The following XYLT1 variants were observed in gnomAD, a reference collection of about 807,000 sequenced individuals.
XYLT1 encodes beta-D-xylosyltransferase 1.
XYLT1 carries 36 observed loss-of-function variants against 91.3 expected under a neutral mutation model. The ratio of observed to expected loss-of-function variants is 0.39; its 90% confidence interval spans 0.30 to 0.52. The LOEUF is 0.52. Ranked by LOEUF, XYLT1 falls within the 20% of genes least tolerant of loss-of-function variation. The pLI is 0.68. For synonymous variants in XYLT1, 588 were observed against 532.0 expected, an observed-to-expected ratio of 1.11 and a Z score of -1.45; for missense variants, 1,242 against 1,284.5, an observed-to-expected ratio of 0.97 and a Z score of 0.51.
intron 2 of XYLT1, among the ~76,000 whole-genome samples, chr16:17,322,609 T>A (rs2034741130): frequency 6.6e-6 from 1 of 152,162 alleles, no homozygotes; most frequent in Non-Finnish European, 1.5e-5. Flanking sequence ...CCTGATGATG[T>A]ATATGTCTTC....
chr16:17,155,408 A>G (rs7186052), intron 6 of XYLT1, among the ~76,000 whole-genome samples: 13,681 of 152,186 alleles, frequency 0.09, 1,307 homozygotes, highest in African/African-American at 0.24. Context: ...AGTCAGCCCT[A>G]ATGTTTTAGT....
intron 1 of XYLT1, among the ~76,000 whole-genome samples, chr16:17,465,547 GTT>G (rs368241689): frequency 9.1e-5 from 6 of 65,662 alleles, no homozygotes; most frequent in South Asian, 5.7e-4. Context: ...AATTTTTTGT[GTT>G]TTTTTTTGGG....
intron 2 of XYLT1, among the ~76,000 whole-genome samples, chr16:17,321,604 C>T (rs180846855): frequency 4.3e-4 from 65 of 151,958 alleles, no homozygotes; most frequent in African/African-American, 1.5e-3. Flanking sequence ...GTGATCTCCC[C>T]GTGTCAGACT....
At chr16:17,240,830 C>T (rs2033334480) in intron 3 of XYLT1, among the ~76,000 whole-genome samples, 1 of 152,154 alleles carries the variant, frequency 6.6e-6, no homozygotes, top group Non-Finnish European at 1.5e-5. Context: ...CTATCATTAG[C>T]CCCATTTTAG....
rs111370817 is a variant in XYLT1, at chr16:17,156,863, G to T, written c.1370+1966C>A. Among the ~76,000 whole-genome samples the T allele has an allele frequency of 5.3e-3, 806 of 152,156 alleles. 8 individuals are homozygous for T. The highest frequency in any genetic ancestry group is 0.018 in the African/African-American group (749 of 41,490). Reference sequence around the variant, plus strand: ...GTAAAGAAGGTAGGCTGTGAGTAGGGGCAGGAACAATCCATAAATAGCAGA... The same window carrying T: ...GTAAAGAAGGTAGGCTGTGAGTAGGTGCAGGAACAATCCATAAATAGCAGA... On this transcript the variant is annotated intron_variant, in intron 6 of 11. Coordinates refer to ENST00000261381, the MANE Select transcript of XYLT1 (RefSeq NM_022166.4).
intron 3 of XYLT1, among the ~76,000 whole-genome samples, chr16:17,257,953 T>C (rs1187982198): frequency 6.6e-6 from 1 of 152,180 alleles, no homozygotes; most frequent in Non-Finnish European, 1.5e-5. Context: ...TACACATCAA[T>C]GGCACGATTG....
chr16:17,434,578 C>T (rs1169539620), intron 1 of XYLT1, among the ~76,000 whole-genome samples: 1 of 152,194 alleles, frequency 6.6e-6, no homozygotes, highest in Non-Finnish European at 1.5e-5. Flanking sequence ...ACAATGGGGC[C>T]AGGCACAATG....
At chr16:17,436,950 T>C (rs2036466260) in intron 1 of XYLT1, among the ~76,000 whole-genome samples, 1 of 152,124 alleles carries the variant, frequency 6.6e-6, no homozygotes, top group African/African-American at 2.4e-5. Flanking sequence ...GCATGTGAAA[T>C]GGGTGATGAT....
chr16:17,380,005 G>C lies in XYLT1; in HGVS notation c.364-21955C>G, dbSNP rs912506440. On this transcript the variant is annotated intron_variant, in intron 1 of 11. Transcript: ENST00000261381. ...GCAACAATGCTAAGAGGTGGTTGGAGGGCTGGGAGCAGTGCCTCACACCTG... is the reference window on the plus strand; with the variant it reads ...GCAACAATGCTAAGAGGTGGTTGGACGGCTGGGAGCAGTGCCTCACACCTG... Among the ~76,000 whole-genome samples, 4 of 152,204 alleles carry C rather than the reference G, an allele frequency of 2.6e-5. No homozygotes were observed. The East Asian group carries it at 5.8e-4, about 22-fold the overall frequency.
intron 3 of XYLT1, among the ~76,000 whole-genome samples, chr16:17,222,390 C>T (rs954502694): frequency 2.6e-5 from 4 of 152,126 alleles, no homozygotes; most frequent in Non-Finnish European, 4.4e-5. Context: ...ATGTACGGGA[C>T]GGCCCCCACA....
At chr16:17,125,915 C>G (rs1464097443) in intron 10 of XYLT1, among the ~76,000 whole-genome samples, 1 of 152,140 alleles carries the variant, frequency 6.6e-6, no homozygotes, top group Non-Finnish European at 1.5e-5. Flanking sequence ...TCCAAGTCAA[C>G]AGCATGAGAT....
At chr16:17,147,357 G>A (rs983612421) in intron 6 of XYLT1, among the ~76,000 whole-genome samples, 7 of 152,236 alleles carry the variant, frequency 4.6e-5, no homozygotes, top group African/African-American at 1.7e-4. Context: ...ATGAGAGACA[G>A]ACAGAGAAGA....
rs781048787 is a variant in XYLT1 at position 17,417,556 on chromosome 16, C to T, written c.363+52878G>A. 4.1e-4 allele frequency among the ~76,000 whole-genome samples: 62 copies of T among 152,176 alleles called. 2 individuals are homozygous for T. Among genetic ancestry groups the T allele is most frequent in the Non-Finnish European group, 2.4e-4 (16 of 68,038 alleles). On this transcript the variant is annotated intron_variant, in intron 1 of 11. Transcript: ENST00000261381. The stretch of plus-strand genomic sequence containing the variant: ...GCCAAACTACTCTAACAAAAGCTCT[C>T]TTAGCATCAAGACTGCTGCTTCTGC...
chr16:17,189,019 T>G (rs1001951828), intron 5 of XYLT1, among the ~76,000 whole-genome samples: 1 of 152,118 alleles, frequency 6.6e-6, no homozygotes, highest in East Asian at 1.9e-4. Context: ...GTCCAACACA[T>G]AGTAGGTGCT....
In XYLT1 at chr16:17,187,509, G is replaced by A. The variant is rs1413904885; in HGVS notation, c.1289+10703C>T. ...TTGAACCTGGGAGGCAAAGGTTAGA[G>A]TGAGCCAAGATCGCACCACTGTACT... On this transcript the variant is annotated intron_variant, in intron 5 of 11. Transcript: ENST00000261381. Among the ~76,000 whole-genome samples, 4 of 135,994 alleles carry A rather than the reference G, an allele frequency of 2.9e-5. No homozygotes were observed. The South Asian group carries it at 7.4e-4, about 25-fold the overall frequency. 89.2% of individuals were successfully genotyped at this position (135,994 alleles called of 152,430 possible). A position where few individuals can be genotyped will look rare whatever the true frequency, so the allele number is the denominator to read the frequency against.
At chr16:17,254,382 T>G (rs1460721902) in intron 3 of XYLT1, among the ~76,000 whole-genome samples, 1 of 152,202 alleles carries the variant, frequency 6.6e-6, no homozygotes, top group Non-Finnish European at 1.5e-5. Flanking sequence ...TCTAGCTTAC[T>G]TACATTTATT....
intron 1 of XYLT1, among the ~76,000 whole-genome samples, chr16:17,459,515 T>A (rs756914394): frequency 5.3e-5 from 8 of 152,166 alleles, no homozygotes; most frequent in African/African-American, 9.7e-5. Flanking sequence ...ATACCATATT[T>A]TGGATTCCTG....
intron 1 of XYLT1, among the ~76,000 whole-genome samples, chr16:17,415,561 AC>A (rs1258838508): frequency 6.6e-6 from 1 of 152,112 alleles, no homozygotes; most frequent in Non-Finnish European, 1.5e-5. Context: ...GTGTGGTGGC[AC>A]GTGACTGTAG....
At chr16:17,122,782 C>A (rs574136249) in intron 10 of XYLT1, among the ~76,000 whole-genome samples, 1 of 152,168 alleles carries the variant, frequency 6.6e-6, no homozygotes, top group Non-Finnish European at 1.5e-5. Context: ...GATGAGGATT[C>A]GGTTCCATTC....
Sources: allele counts gnomAD v4.1 joint callset (sites outside exome capture counted in the v4.1 genomes callset), GRCh38; gene constraint gnomAD v4.1.1; transcripts MANE v1.5; gene names NCBI Gene and HGNC (gene_info 2026-07-23, HGNC 2026-07-21).